The following IL1RAPL1 variants were observed in gnomAD, a reference collection of about 807,000 sequenced individuals.
IL1RAPL1 encodes interleukin 1 receptor accessory protein like 1.
Under a neutral mutation model 48.4 loss-of-function variants are expected in IL1RAPL1, and 3 were observed. The observed-to-expected ratio is 0.06, with a 90% confidence interval of 0.03 to 0.16. The LOEUF is 0.16. Ranked by LOEUF, IL1RAPL1 falls within the 10% of genes least tolerant of loss-of-function variation. The probability of loss-of-function intolerance (pLI) is 1.00; values close to 1 mark genes in which losing one functional copy is unlikely to be tolerated. For synonymous variants in IL1RAPL1, 185 were observed against 187.7 expected, an observed-to-expected ratio of 0.99 and a Z score of 0.12; for missense variants, 349 against 530.6, an observed-to-expected ratio of 0.66 and a Z score of 3.36.
intron 2 of IL1RAPL1, among the ~76,000 whole-genome samples, chrX:28,863,381 A>G (rs1014366650): frequency 1.3e-4 from 14 of 108,296 alleles, no homozygotes; most frequent in Non-Finnish European, 2.3e-4. Flanking sequence ...ACCTTGATTT[A>G]CAGAAACAGA....
At chrX:28,874,979 G>GT (rs1173220563) in intron 2 of IL1RAPL1, among the ~76,000 whole-genome samples, 3 of 111,707 alleles carry the variant, frequency 2.7e-5, no homozygotes, top group Non-Finnish European at 1.9e-5. Context: ...TTATTGATGG[G>GT]TGTATGCTTT....
chrX:28,982,661 A>C (rs2147375831), intron 2 of IL1RAPL1, among the ~76,000 whole-genome samples: 1 of 111,604 alleles, frequency 9.0e-6, no homozygotes, highest in South Asian at 3.7e-4. Flanking sequence ...AGACACCAAT[A>C]AATTGAATTC....
At chrX:29,135,948 G>C (rs1254105306) in intron 2 of IL1RAPL1, among the ~76,000 whole-genome samples, 1 of 110,554 alleles carries the variant, frequency 9.0e-6, no homozygotes, top group African/African-American at 3.3e-5. Context: ...TGTTGGCCAG[G>C]CTGGTCTCAA....
At chrX:28,825,052 C>T (rs764590320) in intron 2 of IL1RAPL1, among the ~76,000 whole-genome samples, 31 of 111,541 alleles carry the variant, frequency 2.8e-4, no homozygotes, top group African/African-American at 9.1e-4. Context: ...TCCACTGTGA[C>T]TTTTCCAACT....
intron 2 of IL1RAPL1, among the ~76,000 whole-genome samples, chrX:29,232,915 C>T (rs1931226820): frequency 1.8e-5 from 2 of 110,157 alleles, no homozygotes; most frequent in African/African-American, 3.3e-5. Context: ...TCTCCTGTCT[C>T]GGCCTCCCTT....
intron 6 of IL1RAPL1, among the ~76,000 whole-genome samples, chrX:29,702,641 A>G (rs1350083030): frequency 9.0e-6 from 1 of 111,614 alleles, no homozygotes; most frequent in African/African-American, 3.3e-5. Context: ...GTGATCTTAG[A>G]CTGGACACTA....
At chrX:29,328,982 A>G (rs1932862975) in intron 3 of IL1RAPL1, among the ~76,000 whole-genome samples, 2 of 111,748 alleles carry the variant, frequency 1.8e-5, no homozygotes, top group South Asian at 7.4e-4. Context: ...TAGAAAAGCC[A>G]TTACATTGAT....
intron 2 of IL1RAPL1, among the ~76,000 whole-genome samples, chrX:29,007,352 T>G (rs1179888176): frequency 8.9e-6 from 1 of 111,971 alleles, no homozygotes; most frequent in Non-Finnish European, 1.9e-5. Context: ...ATCTGAGGAC[T>G]TATATGATGT....
At chrX:28,739,723 T>G (rs767504150) in intron 1 of IL1RAPL1, among the ~76,000 whole-genome samples, 32 of 111,317 alleles carry the variant, frequency 2.9e-4, no homozygotes, top group Non-Finnish European at 5.5e-4. Flanking sequence ...TCAGTAGTGC[T>G]TCCTCTGCCA....
intron 2 of IL1RAPL1, among the ~76,000 whole-genome samples, chrX:29,121,238 T>C (rs922516045): frequency 2.7e-5 from 3 of 112,109 alleles, no homozygotes; most frequent in African/African-American, 9.7e-5. Context: ...TCTTAGCTAA[T>C]GCAATAAAAC....
chrX:29,068,613 A>G (rs1426587263), intron 2 of IL1RAPL1, among the ~76,000 whole-genome samples: 1 of 112,466 alleles, frequency 8.9e-6, no homozygotes, highest in Non-Finnish European at 1.9e-5. Context: ...GGCACAGGGA[A>G]CAGCAGATAC....
At chrX:29,737,072 G>A (rs1173661768) in intron 6 of IL1RAPL1, among the ~76,000 whole-genome samples, 1 of 111,800 alleles carries the variant, frequency 8.9e-6, no homozygotes, top group Non-Finnish European at 1.9e-5. Flanking sequence ...AAATATTTTT[G>A]TATTTTAAAT....
intron 9 of IL1RAPL1, among the ~76,000 whole-genome samples, chrX:29,948,933 A>G (rs1042729350): frequency 8.9e-6 from 1 of 111,733 alleles, no homozygotes; most frequent in African/African-American, 3.2e-5. Context: ...CCCAAACCGG[A>G]TGTCATACTT....
Position 29,774,609 on chromosome X carries a change from A to G in IL1RAPL1, c.778+106105A>G, listed in dbSNP as rs777183244. On this transcript the variant is annotated intron_variant, in intron 6 of 10. Coordinates refer to ENST00000378993, the MANE Select transcript of IL1RAPL1 (RefSeq NM_014271.4). The stretch of plus-strand genomic sequence containing the variant: ...AATTTTTATACGTAAAATTTCTTCA[A>G]TATACAAAGAATTGTTTGTTATAAA... Among the ~76,000 whole-genome samples the G allele has an allele frequency of 6.2e-5, 7 of 112,185 alleles. No homozygotes were observed. The East Asian group carries it at 2.0e-3, about 31-fold the overall frequency.
intron 6 of IL1RAPL1, among the ~76,000 whole-genome samples, chrX:29,723,498 C>G (rs1156623979): frequency 8.9e-6 from 1 of 112,116 alleles, no homozygotes; most frequent in Non-Finnish European, 1.9e-5. Flanking sequence ...ATCTGGCCAC[C>G]TTGGCCTCCC....
At chrX:29,184,675 A>G (rs2147523024) in intron 2 of IL1RAPL1, among the ~76,000 whole-genome samples, 1 of 109,926 alleles carries the variant, frequency 9.1e-6, no homozygotes, top group Non-Finnish European at 1.9e-5. Context: ...TACTTTTTGT[A>G]TTTTTAGTAG....
At chrX:28,883,339 A>G (rs1330420073) in intron 2 of IL1RAPL1, among the ~76,000 whole-genome samples, 1 of 112,274 alleles carries the variant, frequency 8.9e-6, no homozygotes, top group Non-Finnish European at 1.9e-5. Context: ...GTGATCTAAT[A>G]TAGCTCTGTC....
intron 2 of IL1RAPL1, among the ~76,000 whole-genome samples, chrX:28,894,054 G>A (rs764388517): frequency 2.7e-4 from 30 of 111,957 alleles, no homozygotes; most frequent in African/African-American, 8.1e-4. Context: ...GAATGACTCC[G>A]GCTTCCTTTG....
chrX:29,706,761 T>C lies in IL1RAPL1; in HGVS notation c.778+38257T>C, dbSNP rs182856140. Among the ~76,000 whole-genome samples the C allele has an allele frequency of 4.0e-3, 452 of 111,934 alleles. 1 individual carries two copies. Among genetic ancestry groups the C allele is most frequent in the Middle Eastern group, 9.3e-3 (2 of 216 alleles). On this transcript the variant is annotated intron_variant, in intron 6 of 10. Coordinates refer to ENST00000378993, the MANE Select transcript of IL1RAPL1 (RefSeq NM_014271.4). ...GAAGCCACATGTAGAAGAATGAAAC[T>C]GGATCCTCATCTCTCACTTTATACA...
Sources: allele counts gnomAD v4.1 joint callset (sites outside exome capture counted in the v4.1 genomes callset), GRCh38; gene constraint gnomAD v4.1.1; transcripts MANE v1.5; gene names NCBI Gene and HGNC (gene_info 2026-07-23, HGNC 2026-07-21).